The following ADAMTS20 variants were observed in gnomAD, a reference collection of about 807,000 sequenced individuals.
ADAMTS20 encodes the protein ADAM metallopeptidase with thrombospondin type 1 motif 20, also known as A disintegrin and metalloproteinase with thrombospondin motifs 20.
A neutral mutation model predicts 260.1 loss-of-function variants in ADAMTS20; 225 were observed. The ratio of observed to expected loss-of-function variants is 0.87; its 90% CI spans 0.78 to 0.97. The LOEUF is 0.97. Ranked by LOEUF, ADAMTS20 falls within the 50% of genes least tolerant of loss-of-function variation. ADAMTS20 has a pLI of 0.00. For missense variants in ADAMTS20, 2,400 were observed against 2,337.7 expected, an observed-to-expected ratio of 1.03 and a Z score of -0.55; for synonymous variants, 802 against 769.5, an observed-to-expected ratio of 1.04 and a Z score of -0.70.
chr12:43,493,181 G>C lies in ADAMTS20; in HGVS notation c.940C>G (p.His314Asp). 6.4e-7 allele frequency: 1 copy of C among 1,560,250 alleles called. No homozygotes were observed. Among genetic ancestry groups the C allele is most frequent in the Middle Eastern group, 1.8e-4 (1 of 5,646 alleles). The change falls in exon 5 of 39, where the codon CAC becomes GAC. Residue 314 changes from histidine (H) to aspartate (D), a missense_variant. His to Asp is a moderately conservative substitution (Grantham distance 81). Transcript: ENST00000389420. ...HIVVVKLVMI[H>D]REEEGPVINF... ...GACCTGTTTCTTACCTCCTCACGGT[G>C]AATCATAACTAATTTTACCACTACT...
chr12:43,452,130 A>G, intron 14 of ADAMTS20, 144 bp downstream of exon 14: 1 of 798,040 alleles, frequency 1.3e-6, no homozygotes, highest in Admixed American at 3.2e-5. Flanking sequence ...ACTTCTATAG[A>G]TAGCATGATA....
intron 2 of ADAMTS20, among the ~76,000 whole-genome samples, chr12:43,536,216 A>G (rs1042975195): frequency 2.0e-5 from 3 of 152,186 alleles, no homozygotes; most frequent in African/African-American, 7.2e-5. Context: ...TCACTTGTCC[A>G]AGGCTCATAC....
Position 43,440,349 on chromosome 12 carries a change from A to T in ADAMTS20, c.2291-280T>A, listed in dbSNP as rs528079359. Among the ~76,000 whole-genome samples the T allele has an allele frequency of 4.9e-4, 75 of 152,158 alleles. 1 individual carries two copies. The highest frequency in any genetic ancestry group is 1.7e-3 in the African/African-American group (70 of 41,516). On this transcript the variant is annotated intron_variant, in intron 16 of 38. Transcript: ENST00000389420. ...TTTTTAGTAGAGACGGGGTTTTGCCATGTTGGCCAGGCTGGTCTCGAACTC... is the reference window on the plus strand; with the variant it reads ...TTTTTAGTAGAGACGGGGTTTTGCCTTGTTGGCCAGGCTGGTCTCGAACTC...
At chr12:43,506,137 AAAC>A (rs374372258) in intron 3 of ADAMTS20, among the ~76,000 whole-genome samples, 34 of 131,500 alleles carry the variant, frequency 2.6e-4, no homozygotes, top group Non-Finnish European at 3.8e-4. Context: ...AAACAAACAA[AAAC>A]AACAACAACA....
intron 37 of ADAMTS20, among the ~76,000 whole-genome samples, chr12:43,365,468 T>C (rs1199897204): frequency 1.3e-5 from 2 of 152,036 alleles, no homozygotes; most frequent in Non-Finnish European, 2.9e-5. Flanking sequence ...TATAGACATG[T>C]AATATATTTG....
intron 29 of ADAMTS20, 85 bp from the exon 30 acceptor site, chr12:43,384,062 T>C (rs1940417947): frequency 8.0e-7 from 1 of 1,246,664 alleles, no homozygotes; most frequent in Non-Finnish European, 1.1e-6. Context: ...TTACATATTA[T>C]TTATTTTAAA....
intron 26 of ADAMTS20, 24 bp from the exon 27 acceptor site, chr12:43,427,493 A>G: frequency 1.3e-6 from 2 of 1,578,252 alleles, no homozygotes; most frequent in Non-Finnish European, 1.7e-6. Context: ...AACACAAAAT[A>G]TGCACAAACT....
intron 38 of ADAMTS20, among the ~76,000 whole-genome samples, chr12:43,355,962 A>G (rs190736771): frequency 6.6e-6 from 1 of 152,282 alleles, no homozygotes; most frequent in Admixed American, 6.5e-5. Context: ...ATAGGAAAAC[A>G]TGAGTACAAC....
rs553985497 is a variant in ADAMTS20, at chr12:43,446,309, T to TCA, written c.2197+284_2197+285dup. On this transcript the variant is annotated intron_variant, in intron 15 of 38. Coordinates refer to ENST00000389420, the MANE Select transcript of ADAMTS20 (RefSeq NM_025003.5). ...CATTAATGGGAGGATTATTCACATATCACACATCACAGTCAAATAGCACTG... is the reference window on the plus strand; with the variant it reads ...CATTAATGGGAGGATTATTCACATATCACACACATCACAGTCAAATAGCACTG... Among the ~76,000 whole-genome samples the TCA allele has an allele frequency of 7.9e-5, 12 of 152,292 alleles. No individual in the cohort carries two copies. The South Asian group carries it at 1.9e-3, about 24-fold the overall frequency.
chr12:43,517,880 T>A (rs1447301940), intron 3 of ADAMTS20, among the ~76,000 whole-genome samples: 2 of 152,112 alleles, frequency 1.3e-5, no homozygotes, highest in Admixed American at 1.3e-4. Context: ...AGATACTTCT[T>A]GAATAAATGT....
At chr12:43,468,519 AC>A in intron 8 of ADAMTS20, 80 bp downstream of exon 8, 1 of 861,548 alleles carries the variant, frequency 1.2e-6, no homozygotes, top group Admixed American at 2.5e-5. Flanking sequence ...GGTACTAATT[AC>A]TCAACTGAAG....
At chr12:43,417,697 G>A (rs556728958) in intron 28 of ADAMTS20, among the ~76,000 whole-genome samples, 1 of 152,166 alleles carries the variant, frequency 6.6e-6, no homozygotes, top group Non-Finnish European at 1.5e-5. Context: ...TGGCAAGGGT[G>A]ATTCACTGGA....
At position 43,551,120 on chromosome 12, in the gene ADAMTS20, C is replaced by T. The variant is rs369755028; in HGVS notation, c.242G>A (p.Arg81His). ...LEPMPFRTHYRFTAYGQLFQL... is the reference protein window; with the variant it reads ...LEPMPFRTHYHFTAYGQLFQL... ...GAAGAGCTGCCCGTAGGCAGTGAAGCGATAGTGGGTTCGGAACGGCATGGG... is the reference window on the plus strand; with the variant it reads ...GAAGAGCTGCCCGTAGGCAGTGAAGTGATAGTGGGTTCGGAACGGCATGGG... Residue 81 changes from arginine (R) to histidine (H), a missense_variant, in exon 2 of 39, where the codon CGC becomes CAC. Arg to His is a conservative substitution (Grantham distance 29). Coordinates refer to ENST00000389420, the MANE Select transcript of ADAMTS20 (RefSeq NM_025003.5). The surrounding 1 kb of genome is among the most constrained non-coding windows in gnomAD (Gnocchi z 4.6). The T allele has an allele frequency of 2.5e-6, 4 of 1,613,784 alleles. No homozygotes were observed. In the African/African-American group the frequency reaches 5.3e-5, roughly 22 times the overall value.
At chr12:43,384,120 A>G (rs1940419385) in intron 29 of ADAMTS20, 143 bp from the exon 30 acceptor site, 2 of 820,506 alleles carry the variant, frequency 2.4e-6, no homozygotes, top group Non-Finnish European at 3.6e-6. Context: ...ACATACAATA[A>G]GTATTTTTAC....
intron 29 of ADAMTS20, among the ~76,000 whole-genome samples, chr12:43,394,655 T>C (rs1331712769): frequency 6.6e-6 from 1 of 152,104 alleles, no homozygotes; most frequent in Non-Finnish European, 1.5e-5. Flanking sequence ...CGGCCTGAAA[T>C]TGTGAACTTC....
At chr12:43,491,031 C>A (rs954941389) in intron 6 of ADAMTS20, among the ~76,000 whole-genome samples, 2 of 151,976 alleles carry the variant, frequency 1.3e-5, no homozygotes, top group Non-Finnish European at 2.9e-5. Flanking sequence ...AAAATTAAAT[C>A]AATTCTACTT....
At chr12:43,413,233 C>T (rs1468804694) in intron 28 of ADAMTS20, among the ~76,000 whole-genome samples, 1 of 152,128 alleles carries the variant, frequency 6.6e-6, no homozygotes, top group Non-Finnish European at 1.5e-5. Flanking sequence ...TTTTAATTAT[C>T]ACACTATATT....
intron 3 of ADAMTS20, among the ~76,000 whole-genome samples, chr12:43,506,152 C>CAA (rs1373235641): frequency 4.7e-5 from 6 of 127,394 alleles, no homozygotes; most frequent in African/African-American, 1.7e-4. Context: ...ACAACAACAA[C>CAA]AACAACAAAG....
chr12:43,417,242 A>G (rs887174745), intron 28 of ADAMTS20, among the ~76,000 whole-genome samples: 12 of 152,188 alleles, frequency 7.9e-5, no homozygotes, highest in African/African-American at 2.7e-4. Context: ...TCACAGCTGC[A>G]AAATATCAAA....
Sources: allele counts gnomAD v4.1 joint callset (sites outside exome capture counted in the v4.1 genomes callset), GRCh38; gene constraint gnomAD v4.1.1; non-coding constraint Gnocchi (gnomAD v3.1); transcripts MANE v1.5; gene names NCBI Gene and HGNC (gene_info 2026-07-23, HGNC 2026-07-21).